Variants in CPVL observed in about 807,000 individuals in gnomAD.
CPVL encodes the protein probable serine carboxypeptidase CPVL.
Under a neutral mutation model 63.7 loss-of-function variants are expected in CPVL, and 51 were observed. The observed-to-expected ratio is 0.80, with a 90% CI of 0.64 to 1.01. The LOEUF (loss-of-function observed/expected upper bound fraction) is 1.01, where lower values mean the gene tolerates loss of function less well. Among genes scored for constraint, CPVL ranks in the 50% least tolerant of loss-of-function variants. The probability of loss-of-function intolerance (pLI) is 0.00; values close to 1 mark genes in which losing one functional copy is unlikely to be tolerated. For missense variants in CPVL, 530 were observed against 573.1 expected (o/e 0.92, Z 0.77); for synonymous variants, 195 against 206.0 (o/e 0.95, Z 0.46).
intron 11 of CPVL, among the ~76,000 whole-genome samples, chr7:29,060,910 G>T (rs758878660): frequency 1.3e-5 from 2 of 152,088 alleles, no homozygotes; most frequent in Non-Finnish European, 2.9e-5. Context: ...TCTGATTCCC[G>T]TTCTGAACAC....
intron 9 of CPVL, among the ~76,000 whole-genome samples, chr7:29,068,897 G>A (rs1285905582): frequency 1.3e-5 from 2 of 149,846 alleles, no homozygotes; most frequent in African/African-American, 4.9e-5. Flanking sequence ...GGGTTTCACC[G>A]TGGTCTCGAT....
At chr7:29,036,030 C>T (rs1322850043) in intron 11 of CPVL, among the ~76,000 whole-genome samples, 1 of 152,210 alleles carries the variant, frequency 6.6e-6, no homozygotes, top group Non-Finnish European at 1.5e-5. Context: ...GCTGTTCTTT[C>T]TTCACCCCAC....
chr7:29,095,881 T>A (rs1395071830), intron 4 of CPVL, among the ~76,000 whole-genome samples: 2 of 152,198 alleles, frequency 1.3e-5, no homozygotes, highest in East Asian at 3.9e-4. Flanking sequence ...GAAAGCGGAT[T>A]AGAACTTTTC....
intron 3 of CPVL, 104 bp from the exon 4 acceptor site, chr7:29,096,321 G>T: frequency 1.1e-6 from 1 of 890,436 alleles, no homozygotes. Context: ...ACAGGGCTGT[G>T]ACTAAATCCT....
intron 4 of CPVL, among the ~76,000 whole-genome samples, chr7:29,182,979 G>T (rs985876801): frequency 1.3e-5 from 2 of 152,032 alleles, no homozygotes; most frequent in African/African-American, 4.8e-5. Flanking sequence ...AGATTCTTGG[G>T]TTAAAGAAGG....
At chr7:29,078,073 C>T (rs1009346876) in intron 7 of CPVL, among the ~76,000 whole-genome samples, 13 of 151,992 alleles carry the variant, frequency 8.6e-5, no homozygotes, top group South Asian at 2.1e-4. Context: ...CCAGACCATG[C>T]GTCATCTAAT....
intron 9 of CPVL, among the ~76,000 whole-genome samples, chr7:29,069,578 A>T (rs1220993210): frequency 6.6e-6 from 1 of 152,214 alleles, no homozygotes; most frequent in Non-Finnish European, 1.5e-5. Context: ...AGGATCAGTC[A>T]TTTCACATCT....
At chr7:29,115,213 A>C (rs1185705869) in intron 2 of CPVL, among the ~76,000 whole-genome samples, 1 of 152,226 alleles carries the variant, frequency 6.6e-6, no homozygotes, top group Non-Finnish European at 1.5e-5. Flanking sequence ...GGGTTCAGTC[A>C]ATTGGAAGGG....
At chr7:29,035,304 G>A (rs968735354) in intron 11 of CPVL, among the ~76,000 whole-genome samples, 2 of 152,104 alleles carry the variant, frequency 1.3e-5, no homozygotes, top group African/African-American at 2.4e-5. Context: ...CCTAGATCCC[G>A]ACTTCCACCC....
At chr7:29,082,979 T>G (rs1266813585) in intron 7 of CPVL, among the ~76,000 whole-genome samples, 2 of 152,146 alleles carry the variant, frequency 1.3e-5, no homozygotes, top group African/African-American at 4.8e-5. Context: ...AATGGGAGTG[T>G]CACTTCCTAT....
At chr7:29,064,011 T>G in intron 11 of CPVL, 50 bp downstream of exon 11, 1 of 1,318,928 alleles carries the variant, frequency 7.6e-7, no homozygotes, top group African/African-American at 1.5e-5. Context: ...TCACTTCTGC[T>G]CTGGGTAATC....
chr7:29,035,426 G>A (rs1409504592), intron 11 of CPVL, among the ~76,000 whole-genome samples: 1 of 152,222 alleles, frequency 6.6e-6, no homozygotes, highest in African/African-American at 2.4e-5. Flanking sequence ...GCTGGAAACT[G>A]AGAGTTAGTT....
At chr7:29,146,607 A>G (rs1458187079), upstream of CPVL, 3 of 1,550,256 alleles carry the variant, frequency 1.9e-6, no homozygotes, top group Admixed American at 5.9e-5. Flanking sequence ...ACAGGGCAAA[A>G]AGTGCGTCGT....
intron 1 of CPVL, among the ~76,000 whole-genome samples, chr7:29,141,395 C>G (rs1272924875): frequency 6.6e-6 from 1 of 150,416 alleles, no homozygotes; most frequent in East Asian, 2.0e-4. Flanking sequence ...ACTAAAAATA[C>G]AAAACTTAGC....
intron 7 of CPVL, among the ~76,000 whole-genome samples, chr7:29,078,400 G>A (rs17748853): frequency 0.11 from 16,057 of 152,294 alleles, 1,066 homozygotes; most frequent in Middle Eastern, 0.15. Flanking sequence ...TTCAGTGCCA[G>A]TTTGGAGAAA....
chr7:29,087,134 T>C (rs1785280146), intron 6 of CPVL, among the ~76,000 whole-genome samples: 1 of 152,082 alleles, frequency 6.6e-6, no homozygotes, highest in Non-Finnish European at 1.5e-5. Context: ...TACTAAAGAA[T>C]GCTAACAGCC....
At chr7:29,124,765 G>T (rs1254712412) in intron 1 of CPVL, among the ~76,000 whole-genome samples, 3 of 151,838 alleles carry the variant, frequency 2.0e-5, no homozygotes, top group African/African-American at 4.8e-5. Flanking sequence ...TGGATATATG[G>T]TTTTTTTCCT....
At chr7:29,072,275 A>G in intron 8 of CPVL, 26 bp downstream of exon 8, 1 of 1,613,358 alleles carries the variant, frequency 6.2e-7, no homozygotes, top group South Asian at 1.1e-5. Flanking sequence ...AAGAGACAAA[A>G]TAGAAAGTCA....
intron 1 of CPVL, among the ~76,000 whole-genome samples, chr7:29,144,594 G>A (rs1326951667): frequency 6.6e-6 from 1 of 152,052 alleles, no homozygotes; most frequent in Non-Finnish European, 1.5e-5. Context: ...TTTACCTTGA[G>A]TATTTGGGTG....
Sources: allele counts gnomAD v4.1 joint callset (sites outside exome capture counted in the v4.1 genomes callset), GRCh38; gene constraint gnomAD v4.1.1; transcripts MANE v1.5; gene names NCBI Gene and HGNC (gene_info 2026-07-23, HGNC 2026-07-21).